Variants in CNTNAP2 observed in about 807,000 individuals in gnomAD.
CNTNAP2 encodes contactin associated protein 2.
CNTNAP2 carries 98 observed loss-of-function variants against 155.2 expected under a neutral mutation model. The ratio of observed to expected loss-of-function variants is 0.63; its 90% confidence interval spans 0.54 to 0.75. CNTNAP2 has a LOEUF of 0.75. CNTNAP2 is among the 30% of genes least tolerant of loss of function. CNTNAP2 has a pLI of 0.00. For missense variants in CNTNAP2, 1,727 were observed against 1,688.1 expected (o/e 1.02, Z -0.40); for synonymous variants, 651 against 631.2 (o/e 1.03, Z -0.47).
chr7:146,200,107 A>G (rs987721745), intron 1 of CNTNAP2, among the ~76,000 whole-genome samples: 3 of 152,212 alleles, frequency 2.0e-5, no homozygotes, highest in African/African-American at 7.2e-5. Context: ...TTCCAAGACT[A>G]GAGCCATTAT....
At chr7:147,962,141 C>T (rs1377230825) in intron 14 of CNTNAP2, among the ~76,000 whole-genome samples, 3 of 152,232 alleles carry the variant, frequency 2.0e-5, no homozygotes, top group Non-Finnish European at 4.4e-5. Flanking sequence ...CCCACCAGAC[C>T]AGGCAGTGCC....
chr7:147,522,922 C>G (rs930935951), intron 11 of CNTNAP2, among the ~76,000 whole-genome samples: 1 of 151,988 alleles, frequency 6.6e-6, no homozygotes, highest in Non-Finnish European at 1.5e-5. Context: ...AACTTGTAAA[C>G]CAACACAATC....
intron 14 of CNTNAP2, among the ~76,000 whole-genome samples, chr7:147,938,292 C>T (rs1489241127): frequency 1.3e-5 from 2 of 152,064 alleles, no homozygotes; most frequent in African/African-American, 2.4e-5. Flanking sequence ...CCATTAAATA[C>T]TAAGACCTAC....
intron 1 of CNTNAP2, among the ~76,000 whole-genome samples, chr7:146,409,995 C>T (rs374448814): frequency 2.6e-5 from 4 of 152,142 alleles, no homozygotes; most frequent in African/African-American, 9.6e-5. Context: ...TTAGAACACC[C>T]CTTAAGTGAG....
chr7:147,501,187 TC>T (rs1026694849), intron 11 of CNTNAP2, among the ~76,000 whole-genome samples: 99 of 151,602 alleles, frequency 6.5e-4, no homozygotes, highest in Non-Finnish European at 1.3e-3. Context: ...CAACATCCTT[TC>T]ATAATAAAAA....
At chr7:147,548,889 C>T (rs181873217) in intron 11 of CNTNAP2, among the ~76,000 whole-genome samples, 21 of 152,188 alleles carry the variant, frequency 1.4e-4, no homozygotes, top group Middle Eastern at 3.4e-3. Context: ...TTGTTTTTGT[C>T]GCATTTGTCA....
At chr7:147,102,982 C>G (rs1468727794) in intron 4 of CNTNAP2, among the ~76,000 whole-genome samples, 1 of 152,134 alleles carries the variant, frequency 6.6e-6, no homozygotes, top group African/African-American at 2.4e-5. Flanking sequence ...ATTGAAACCT[C>G]AAGTATATTT....
At chr7:147,443,252 G>C (rs1214517433) in intron 10 of CNTNAP2, among the ~76,000 whole-genome samples, 6 of 152,110 alleles carry the variant, frequency 3.9e-5, no homozygotes, top group Non-Finnish European at 8.8e-5. Context: ...TCCCTCCATG[G>C]GTGGGTGTCA....
At chr7:146,813,129 T>G (rs1360926694) in intron 2 of CNTNAP2, among the ~76,000 whole-genome samples, 1 of 152,098 alleles carries the variant, frequency 6.6e-6, no homozygotes, top group African/African-American at 2.4e-5. Context: ...GGAAGGAAAA[T>G]GTAGGGTCAG....
chr7:147,452,949 A>C (rs1189002979), intron 10 of CNTNAP2, among the ~76,000 whole-genome samples: 2 of 149,690 alleles, frequency 1.3e-5, no homozygotes, highest in African/African-American at 4.9e-5. Flanking sequence ...AGGGAGAAGA[A>C]AGGGAGGGAG....
intron 1 of CNTNAP2, among the ~76,000 whole-genome samples, chr7:146,762,341 C>G (rs1802116535): frequency 6.6e-6 from 1 of 152,138 alleles, no homozygotes; most frequent in South Asian, 2.1e-4. Context: ...TGGCTCACAC[C>G]TGTAATCCCA....
At chr7:148,322,946 A>C (rs187437002) in intron 21 of CNTNAP2, among the ~76,000 whole-genome samples, 214 of 152,178 alleles carry the variant, frequency 1.4e-3, no homozygotes, top group Non-Finnish European at 2.5e-3. Flanking sequence ...AATCGCCCCA[A>C]AAATGTGCCA....
intron 4 of CNTNAP2, among the ~76,000 whole-genome samples, chr7:147,076,762 G>GT (rs753437446): frequency 9.9e-5 from 15 of 152,104 alleles, no homozygotes; most frequent in Middle Eastern, 3.2e-3. Flanking sequence ...AATATGCAAT[G>GT]TTTAAGCTGT....
chr7:146,596,827 A>C (rs756773265), intron 1 of CNTNAP2, among the ~76,000 whole-genome samples: 2 of 152,074 alleles, frequency 1.3e-5, no homozygotes, highest in African/African-American at 2.4e-5. Context: ...ATGCTGATTG[A>C]AATGATATCA....
chr7:147,703,828 C>G (rs1167602785), intron 13 of CNTNAP2, among the ~76,000 whole-genome samples: 1 of 152,146 alleles, frequency 6.6e-6, no homozygotes, highest in Non-Finnish European at 1.5e-5. Flanking sequence ...TGTTTGCACT[C>G]TTTACCCAAC....
chr7:148,193,309 C>A (rs141717027), intron 18 of CNTNAP2, among the ~76,000 whole-genome samples: 50 of 152,226 alleles, frequency 3.3e-4, no homozygotes, highest in African/African-American at 1.1e-3. Context: ...GCCAACCTAG[C>A]CATTAGGTGG....
At chr7:147,224,041 A>G (rs1157276913) in intron 8 of CNTNAP2, among the ~76,000 whole-genome samples, 1 of 50,144 alleles carries the variant, frequency 2.0e-5, no homozygotes, top group African/African-American at 2.6e-4. Flanking sequence ...GGCCACCTGG[A>G]GAACTGTCAG....
chr7:148,310,958 G>A (rs895904718), intron 21 of CNTNAP2, among the ~76,000 whole-genome samples: 1 of 152,080 alleles, frequency 6.6e-6, no homozygotes, highest in Non-Finnish European at 1.5e-5. Context: ...ACAAGAAGAG[G>A]GCTTTGGAGA....
At chr7:147,417,510 G>A (rs939995080) in intron 10 of CNTNAP2, among the ~76,000 whole-genome samples, 1 of 152,182 alleles carries the variant, frequency 6.6e-6, no homozygotes, top group African/African-American at 2.4e-5. Context: ...TGGGGATTGG[G>A]TTTCAATATA....
Sources: allele counts gnomAD v4.1 joint callset (sites outside exome capture counted in the v4.1 genomes callset), GRCh38; gene constraint gnomAD v4.1.1; transcripts MANE v1.5; gene names NCBI Gene and HGNC (gene_info 2026-07-23, HGNC 2026-07-21).